LAMA1: variants seen among roughly 807,000 people sequenced by gnomAD.
LAMA1 encodes the protein laminin subunit alpha-1.
Under a neutral mutation model 348.7 loss-of-function variants are expected in LAMA1, and 219 were observed. That is an observed-to-expected ratio of 0.63 (90% confidence interval 0.56 to 0.70). The LOEUF (loss-of-function observed/expected upper bound fraction) is 0.70, where lower values mean the gene tolerates loss of function less well. Among genes scored for constraint, LAMA1 ranks in the 30% least tolerant of loss-of-function variants. The pLI is 0.00. For missense variants in LAMA1, 3,744 were observed against 3,888.0 expected, an observed-to-expected ratio of 0.96 and a Z score of 0.99; for synonymous variants, 1,487 against 1,491.0, an observed-to-expected ratio of 1.00 and a Z score of 0.06.
intron 51 of LAMA1, 47 bp downstream of exon 51, chr18:6,964,615 A>C: frequency 3.1e-6 from 5 of 1,607,668 alleles, no homozygotes; most frequent in Non-Finnish European, 4.3e-6. Context: ...CTAGCAAGCT[A>C]ATAAAGTTGG....
At chr18:7,069,822 A>G (rs2058138650) in intron 3 of LAMA1, among the ~76,000 whole-genome samples, 3 of 151,706 alleles carry the variant, frequency 2.0e-5, no homozygotes, top group Admixed American at 2.0e-4. Context: ...GCTGCCCCAG[A>G]GAACCTCTCC....
At chr18:7,038,539 A>G (rs965401996) in intron 11 of LAMA1, 17 of 500,956 alleles carry the variant, frequency 3.4e-5, no homozygotes. Context: ...CACCCAATCC[A>G]TTTCCCCACA....
At chr18:7,115,814 C>CAAAACAAAAAAAAAAAAAAA (rs58813825) in intron 1 of LAMA1, among the ~76,000 whole-genome samples, 2 of 94,812 alleles carry the variant, frequency 2.1e-5, no homozygotes, top group East Asian at 1.1e-3. Context: ...ACTAAAAATA[C>CAAAACAAAAAAAAAAAAAAA]AAAAAAAAAA....
chr18:7,075,024 G>A, intron 3 of LAMA1, among the ~76,000 whole-genome samples: 1 of 127,944 alleles, frequency 7.8e-6, no homozygotes, highest in African/African-American at 3.0e-5. Context: ...TCTGACAGCT[G>A]TCATCAATTA....
At chr18:6,997,355 C>T (rs1002934102) in intron 33 of LAMA1, among the ~76,000 whole-genome samples, 1 of 152,206 alleles carries the variant, frequency 6.6e-6, no homozygotes, top group African/African-American at 2.4e-5. Context: ...CAGGTGTGAG[C>T]CACCGTGCCT....
intron 3 of LAMA1, among the ~76,000 whole-genome samples, chr18:7,061,174 G>A (rs1448295992): frequency 6.6e-6 from 1 of 152,174 alleles, no homozygotes; most frequent in Non-Finnish European, 1.5e-5. Flanking sequence ...CCCACAAAAA[G>A]TGTTGAACTG....
rs1053054736 is a variant in LAMA1 at position 6,983,192 on chromosome 18, A to G, written c.5703T>C (p.Ser1901=). 1 of 1,614,158 alleles carries G rather than the reference A, an allele frequency of 6.2e-7. No homozygotes were observed. Among genetic ancestry groups the G allele is most frequent in the Non-Finnish European group, 8.5e-7 (1 of 1,180,016 alleles). The stretch of plus-strand genomic sequence containing the variant: ...GGATGTTGTAATGGACATAGGCTGC[A>G]CTGGTGGCATTCAGGGACACATTTC... The part of the protein sequence containing the change: ...NIRNVSLNAT[S]AAYVHYNIQS... Residue 1901 remains serine (S), a synonymous_variant, in exon 40 of 63, where the codon AGT becomes AGC. Coordinates refer to ENST00000389658, the MANE Select transcript of LAMA1 (RefSeq NM_005559.4).
intron 1 of LAMA1, among the ~76,000 whole-genome samples, chr18:7,115,599 C>G (rs2058352072): frequency 1.3e-5 from 2 of 151,022 alleles, no homozygotes; most frequent in South Asian, 4.2e-4. Context: ...ATTTGCAGGT[C>G]AGGATTATTG....
At chr18:7,112,131 T>C (rs2058338150) in intron 1 of LAMA1, among the ~76,000 whole-genome samples, 1 of 152,196 alleles carries the variant, frequency 6.6e-6, no homozygotes, top group African/African-American at 2.4e-5. Flanking sequence ...AACAATACTT[T>C]TAGAAGTAGT....
At chr18:7,021,814 AAT>A (rs1568034595) in intron 19 of LAMA1, among the ~76,000 whole-genome samples, 4 of 108,922 alleles carry the variant, frequency 3.7e-5, no homozygotes, top group African/African-American at 2.1e-4. Flanking sequence ...TATATTATAT[AAT>A]ATATATTATA....
At chr18:7,097,787 C>A (rs2058268202) in intron 1 of LAMA1, among the ~76,000 whole-genome samples, 1 of 152,084 alleles carries the variant, frequency 6.6e-6, no homozygotes, top group Non-Finnish European at 1.5e-5. Flanking sequence ...GTTGCTGGGA[C>A]CACTGGATAT....
At chr18:6,961,526 C>T (rs1241731801) in intron 53 of LAMA1, 60 bp downstream of exon 53, 1 of 1,590,972 alleles carries the variant, frequency 6.3e-7, no homozygotes, top group African/African-American at 1.3e-5. Flanking sequence ...TCATTTTCCA[C>T]TCATTGTTTC....
At chr18:7,002,740 C>T (rs922863802) in intron 29 of LAMA1, among the ~76,000 whole-genome samples, 7 of 152,080 alleles carry the variant, frequency 4.6e-5, no homozygotes, top group African/African-American at 1.7e-4. Flanking sequence ...TGCACACAGT[C>T]AGGGTTCAAC....
chr18:7,114,066 G>A (rs1393301188), intron 1 of LAMA1, among the ~76,000 whole-genome samples: 2 of 129,762 alleles, frequency 1.5e-5, no homozygotes, highest in African/African-American at 5.9e-5. Flanking sequence ...GACAGAGCGA[G>A]ACTCCGTCTC....
intron 22 of LAMA1, among the ~76,000 whole-genome samples, chr18:7,014,547 A>G: frequency 6.6e-6 from 1 of 150,422 alleles, no homozygotes; most frequent in East Asian, 2.0e-4. Flanking sequence ...GCTTGAGCCC[A>G]AGAGGTCAAG....
chr18:7,079,414 A>T, intron 3 of LAMA1: 1 of 165,682 alleles, frequency 6.0e-6, no homozygotes, highest in Non-Finnish European at 1.3e-5. Flanking sequence ...GGCTGGAGCC[A>T]GTCATACCTT....
chr18:7,047,363 T>C (rs1301412940), intron 5 of LAMA1, among the ~76,000 whole-genome samples: 3 of 152,188 alleles, frequency 2.0e-5, no homozygotes, highest in African/African-American at 7.2e-5. Flanking sequence ...TTATTGAACA[T>C]TGTTGAGCAT....
At chr18:7,050,345 G>A (rs939686053) in intron 4 of LAMA1, among the ~76,000 whole-genome samples, 1 of 152,122 alleles carries the variant, frequency 6.6e-6, no homozygotes, top group African/African-American at 2.4e-5. Context: ...ACCTACCGAG[G>A]AGAACACTGA....
chr18:6,997,971 T>C, intron 32 of LAMA1, 87 bp from the exon 33 acceptor site: 3 of 1,206,326 alleles, frequency 2.5e-6, no homozygotes, highest in Non-Finnish European at 3.7e-6. Flanking sequence ...AGTTGTTTTG[T>C]GAAAATGACA....
Sources: allele counts gnomAD v4.1 joint callset (sites outside exome capture counted in the v4.1 genomes callset), GRCh38; gene constraint gnomAD v4.1.1; transcripts MANE v1.5; gene names NCBI Gene and HGNC (gene_info 2026-07-23, HGNC 2026-07-21).